Variants in STPG2 observed in about 807,000 individuals in gnomAD.
STPG2 encodes the protein sperm-tail PG-rich repeat-containing protein 2.
A neutral mutation model predicts 54.2 loss-of-function variants in STPG2; 56 were observed. That is an observed-to-expected ratio of 1.03 (90% CI 0.83 to 1.29). The LOEUF (loss-of-function observed/expected upper bound fraction) is 1.29. Among genes scored for constraint, STPG2 ranks in the 50% most tolerant of loss-of-function variants. The probability of loss-of-function intolerance (pLI) is 0.00; values close to 1 mark genes in which losing one functional copy is unlikely to be tolerated. For missense variants in STPG2, 596 were observed against 544.9 expected, an observed-to-expected ratio of 1.09 and a Z score of -0.93; for synonymous variants, 200 against 181.8, an observed-to-expected ratio of 1.10 and a Z score of -0.81.
intron 8 of STPG2, among the ~76,000 whole-genome samples, chr4:97,847,248 T>A (rs1421053425): frequency 6.6e-6 from 1 of 152,152 alleles, no homozygotes; most frequent in Non-Finnish European, 1.5e-5. Flanking sequence ...TTATCTTTGT[T>A]TTACATGTTG....
intron 5 of STPG2, among the ~76,000 whole-genome samples, chr4:98,003,155 A>G (rs1358150886): frequency 6.6e-6 from 1 of 152,140 alleles, no homozygotes; most frequent in Admixed American, 6.6e-5. Context: ...TTCATATTAA[A>G]CATAAATGGC....
chr4:97,753,507 T>G (rs901567312), intron 9 of STPG2, among the ~76,000 whole-genome samples: 1 of 152,074 alleles, frequency 6.6e-6, no homozygotes, highest in Non-Finnish European at 1.5e-5. Flanking sequence ...ATTGTTTTCA[T>G]CTTTTGGCTA....
Position 98,046,253 on chromosome 4 carries a change from C to T in STPG2, c.612+59700G>A, listed in dbSNP as rs191466877. On this transcript the variant is annotated intron_variant, in intron 5 of 10. Coordinates refer to ENST00000295268, the MANE Select transcript of STPG2 (RefSeq NM_174952.3). Reference sequence around the variant, plus strand: ...AAATTCTCACATTGTTCATACAATGCTCTCCTGATCTCAGTAAGGATCCTT... The same window carrying T: ...AAATTCTCACATTGTTCATACAATGTTCTCCTGATCTCAGTAAGGATCCTT... Among the ~76,000 whole-genome samples, 311 of 152,180 alleles carry T rather than the reference C, an allele frequency of 2.0e-3. 1 individual carries two copies. The highest frequency in any genetic ancestry group is 3.7e-3 in the Non-Finnish European group (249 of 67,988).
At chr4:97,921,738 C>T (rs1433841952) in intron 8 of STPG2, among the ~76,000 whole-genome samples, 3 of 152,036 alleles carry the variant, frequency 2.0e-5, no homozygotes, top group Admixed American at 1.3e-4. Context: ...CAGAAAACTT[C>T]GCAGATCTGG....
chr4:97,719,464 T>C (rs1724383795), intron 9 of STPG2, among the ~76,000 whole-genome samples: 1 of 151,972 alleles, frequency 6.6e-6, no homozygotes, highest in Admixed American at 6.6e-5. Context: ...TCTCTGAAAG[T>C]GGGACCAAGA....
chr4:97,458,457 A>T (rs1194606329), intron 4 of STPG2, among the ~76,000 whole-genome samples: 1 of 152,164 alleles, frequency 6.6e-6, no homozygotes, highest in African/African-American at 2.4e-5. Flanking sequence ...AGGCAAAATG[A>T]ATATATTCTA....
chr4:97,609,317 T>C (rs1018712903), intron 10 of STPG2, among the ~76,000 whole-genome samples: 21 of 151,982 alleles, frequency 1.4e-4, no homozygotes, highest in African/African-American at 4.8e-4. Context: ...CTATGTGAAA[T>C]AGAAAGTTCC....
At chr4:97,476,444 TC>T (rs1730073419) in intron 4 of STPG2, among the ~76,000 whole-genome samples, 1 of 152,170 alleles carries the variant, frequency 6.6e-6, no homozygotes, top group African/African-American at 2.4e-5. Context: ...ATTTCTTTTT[TC>T]TTTTTGCCAT....
intron 9 of STPG2, among the ~76,000 whole-genome samples, chr4:97,801,080 C>T (rs1446726844): frequency 2.0e-5 from 3 of 152,190 alleles, no homozygotes; most frequent in African/African-American, 7.2e-5. Context: ...TGCCGTCTGT[C>T]ACAGCTTCTC....
chr4:97,969,518 A>G (rs1311126406), intron 7 of STPG2, among the ~76,000 whole-genome samples: 1 of 151,790 alleles, frequency 6.6e-6, no homozygotes, highest in Non-Finnish European at 1.5e-5. Context: ...AGCTTTCACT[A>G]TTTTCTGTGT....
chr4:97,502,742 A>T (rs1730753497), intron 4 of STPG2, among the ~76,000 whole-genome samples: 2 of 152,064 alleles, frequency 1.3e-5, no homozygotes, highest in Admixed American at 1.3e-4. Flanking sequence ...TGACAAAAAA[A>T]ATAATAGGAA....
At chr4:98,110,447 GCATGTGTACAACTC>G (rs1739315052) in intron 3 of STPG2, among the ~76,000 whole-genome samples, 1 of 152,106 alleles carries the variant, frequency 6.6e-6, no homozygotes, top group Non-Finnish European at 1.5e-5. Context: ...CCTCAAGTGA[GCATGTGTACAACTC>G]CAGTAAACAC....
intron 10 of STPG2, among the ~76,000 whole-genome samples, chr4:97,631,670 C>T (rs1373253477): frequency 1.3e-5 from 2 of 151,994 alleles, no homozygotes; most frequent in East Asian, 1.9e-4. Flanking sequence ...AGTTATTACA[C>T]ACTAAATGCT....
chr4:97,758,909 A>C (rs1234346213), intron 9 of STPG2, among the ~76,000 whole-genome samples: 1 of 152,180 alleles, frequency 6.6e-6, no homozygotes, highest in Non-Finnish European at 1.5e-5. Flanking sequence ...AGAAAAAAAA[A>C]GAATTTAGCA....
intron 6 of STPG2, among the ~76,000 whole-genome samples, chr4:97,976,027 G>A (rs1202628406): frequency 6.6e-6 from 1 of 152,128 alleles, no homozygotes; most frequent in East Asian, 1.9e-4. Flanking sequence ...AGATCTAAAA[G>A]TGATTAAATC....
At chr4:97,672,756 CA>C (rs960502813) in intron 10 of STPG2, among the ~76,000 whole-genome samples, 1 of 152,096 alleles carries the variant, frequency 6.6e-6, no homozygotes, top group Non-Finnish European at 1.5e-5. Context: ...ATTTAACTGC[CA>C]GGGGGAAGGA....
rs189455954 is a variant in STPG2 at position 97,596,943 on chromosome 4, C to T, written c.1321-37826G>A. ...GAGCTGAACTGAAAAAAAAATGGGA[C>T]GAGAAACCACACAAAGATCAATACA... is the stretch of plus-strand genomic sequence containing the variant. On this transcript the variant is annotated intron_variant, in intron 10 of 10. Coordinates refer to ENST00000295268, the MANE Select transcript of STPG2 (RefSeq NM_174952.3). Among the ~76,000 whole-genome samples, 901 of 151,284 alleles carry T rather than the reference C, an allele frequency of 6.0e-3. 4 individuals carry two copies. Among genetic ancestry groups the T allele is most frequent in the South Asian group, 0.019 (92 of 4,786 alleles).
At chr4:97,870,082 A>C (rs1200194449) in intron 8 of STPG2, among the ~76,000 whole-genome samples, 1 of 151,666 alleles carries the variant, frequency 6.6e-6, no homozygotes, top group Non-Finnish European at 1.5e-5. Context: ...GATGTGTCCT[A>C]TTCAAATATG....
chr4:97,678,177 CAT>C lies in STPG2; in HGVS notation c.1320+34520_1320+34521del, dbSNP rs371582816. ...CATTTTAATCATATGTATTTTAACACATGATTTAGAATTTACACTTACAGGGT... is the reference window on the plus strand; with the variant it reads ...CATTTTAATCATATGTATTTTAACACGATTTAGAATTTACACTTACAGGGT... On this transcript the variant is annotated intron_variant, in intron 10 of 10. Coordinates refer to ENST00000295268, the MANE Select transcript of STPG2 (RefSeq NM_174952.3). Among the ~76,000 whole-genome samples, 11 of 152,000 alleles carry C rather than the reference CAT, an allele frequency of 7.2e-5. No homozygotes were observed. The East Asian group carries it at 2.1e-3, about 29-fold the overall frequency.
Sources: gnomAD v4.1 joint callset for allele counts (sites outside exome capture counted in the v4.1 genomes callset) on GRCh38, gnomAD v4.1.1 for gene constraint, MANE v1.5 for transcripts, NCBI Gene and HGNC (gene_info 2026-07-23, HGNC 2026-07-21) for gene names.